The following NRXN3 variants were observed in gnomAD, a reference collection of about 807,000 sequenced individuals.
NRXN3 encodes the protein neurexin III.
Under a neutral mutation model 137.6 loss-of-function variants are expected in NRXN3, and 32 were observed. The ratio of observed to expected loss-of-function variants is 0.23; its 90% CI spans 0.18 to 0.31. The LOEUF is 0.31. Ranked by LOEUF, NRXN3 falls within the 10% of genes least tolerant of loss-of-function variation. NRXN3 has a pLI of 1.00. For synonymous variants in NRXN3, 798 were observed against 784.5 expected (o/e 1.02, Z -0.29); for missense variants, 1,574 against 2,062.5 (o/e 0.76, Z 4.59).
chr14:78,191,328 AG>A (rs1438092558), intron 1 of NRXN3, among the ~76,000 whole-genome samples: 5 of 152,232 alleles, frequency 3.3e-5, no homozygotes, highest in Admixed American at 6.5e-5. Flanking sequence ...ATGGTGGCTG[AG>A]AGAGGTTTTA....
chr14:78,712,975 G>T (rs1190504166), intron 7 of NRXN3, among the ~76,000 whole-genome samples: 6 of 152,214 alleles, frequency 3.9e-5, no homozygotes, highest in Non-Finnish European at 8.8e-5. Flanking sequence ...AGAGGTGAAG[G>T]CTGACTGATG....
intron 9 of NRXN3, among the ~76,000 whole-genome samples, chr14:78,806,879 T>A (rs905251947): frequency 6.6e-6 from 1 of 152,242 alleles, no homozygotes; most frequent in Admixed American, 6.5e-5. Flanking sequence ...CGATTAATGA[T>A]AATCTCATGA....
At chr14:79,722,188 A>G (rs571943060) in intron 19 of NRXN3, among the ~76,000 whole-genome samples, 1 of 152,078 alleles carries the variant, frequency 6.6e-6, no homozygotes, top group African/African-American at 2.4e-5. Flanking sequence ...CCTCCTCTCC[A>G]TCATCACTGC....
intron 16 of NRXN3, among the ~76,000 whole-genome samples, chr14:79,491,715 G>T (rs2096719232): frequency 1.3e-5 from 2 of 152,088 alleles, no homozygotes; most frequent in South Asian, 4.1e-4. Context: ...ATCTCCAAAT[G>T]CCAATGAGCA....
intron 16 of NRXN3, among the ~76,000 whole-genome samples, chr14:79,507,849 T>C (rs2096892883): frequency 2.0e-5 from 3 of 152,270 alleles, no homozygotes; most frequent in Middle Eastern, 6.8e-3. Context: ...GACAGAAGTA[T>C]ATAGTGTGGA....
rs146936686 is a variant in NRXN3 at position 78,939,914 on chromosome 14, T to C, written c.2276-17328T>C. On this transcript the variant is annotated intron_variant, in intron 10 of 20. Coordinates refer to ENST00000335750, the MANE Select transcript of NRXN3 (RefSeq NM_001330195.2). ...TTGCTCCCTACGCTTTAATCCATTC[T>C]ATAAGTTCCATCCAACTTTTTGTTG... is the stretch of plus-strand genomic sequence containing the variant. 4.0e-3 allele frequency among the ~76,000 whole-genome samples: 607 copies of C among 152,372 alleles called. 2 individuals are homozygous for C. Among genetic ancestry groups the C allele is most frequent in the Admixed American group, 6.1e-3 (94 of 15,308 alleles).
intron 15 of NRXN3, among the ~76,000 whole-genome samples, chr14:79,465,628 C>G: frequency 6.6e-6 from 1 of 152,200 alleles, no homozygotes; most frequent in Non-Finnish European, 1.5e-5. Context: ...CTCACTTCTT[C>G]TTTGGTCAAC....
chr14:78,314,924 T>C (rs1382352249), intron 4 of NRXN3, among the ~76,000 whole-genome samples: 3 of 119,864 alleles, frequency 2.5e-5, no homozygotes, highest in African/African-American at 1.2e-4. Context: ...TCTTTCTTTC[T>C]TTCTTTCTTT....
chr14:78,788,054 G>A (rs1181152119), intron 8 of NRXN3, among the ~76,000 whole-genome samples: 1 of 152,140 alleles, frequency 6.6e-6, no homozygotes, highest in Non-Finnish European at 1.5e-5. Flanking sequence ...TTCTTATGCA[G>A]TTTTTAAATA....
intron 4 of NRXN3, among the ~76,000 whole-genome samples, chr14:78,498,121 A>G (rs1012541705): frequency 6.6e-6 from 1 of 152,178 alleles, no homozygotes; most frequent in South Asian, 2.1e-4. Flanking sequence ...TGCTTGGCAC[A>G]TGGACAATGC....
Position 79,661,275 on chromosome 14 carries a change from G to A in NRXN3, c.3445-2503G>A, listed in dbSNP as rs189612901. 2.0e-5 allele frequency among the ~76,000 whole-genome samples: 3 copies of A among 152,194 alleles called. No homozygotes were observed. In the East Asian group the frequency reaches 5.8e-4, roughly 29 times the overall value. On this transcript the variant is annotated intron_variant, in intron 16 of 20. Transcript: ENST00000335750. The stretch of plus-strand genomic sequence containing the variant: ...CTCTTTTCCCAGAGAACAGAACATG[G>A]GGATTGCAGACATCATTTTATATTG...
chr14:79,019,210 T>C (rs957448997), intron 15 of NRXN3, among the ~76,000 whole-genome samples: 53 of 152,274 alleles, frequency 3.5e-4, no homozygotes, highest in African/African-American at 1.2e-3. Flanking sequence ...ACTCCTGTGT[T>C]GGGATGACTG....
At chr14:78,450,816 G>T (rs2094533371) in intron 4 of NRXN3, among the ~76,000 whole-genome samples, 1 of 152,134 alleles carries the variant, frequency 6.6e-6, no homozygotes, top group Admixed American at 6.6e-5. Context: ...TTACATGGTG[G>T]CGCGAGAGGT....
chr14:78,801,059 C>T (rs530479976), intron 8 of NRXN3, among the ~76,000 whole-genome samples: 6 of 152,328 alleles, frequency 3.9e-5, no homozygotes, highest in East Asian at 1.9e-4. Flanking sequence ...CAGTGGCTCA[C>T]GCCTGTAATC....
At chr14:79,841,724 T>C (rs944715637) in intron 20 of NRXN3, among the ~76,000 whole-genome samples, 1 of 152,226 alleles carries the variant, frequency 6.6e-6, no homozygotes, top group Non-Finnish European at 1.5e-5. Context: ...ATTTTATCTT[T>C]AGCCTACACA....
chr14:79,170,756 A>G (rs998289228), intron 15 of NRXN3, among the ~76,000 whole-genome samples: 2 of 152,028 alleles, frequency 1.3e-5, no homozygotes, highest in African/African-American at 4.8e-5. Context: ...CAAATCTCTT[A>G]AAAGGACCTG....
chr14:78,833,472 T>C (rs542478041), intron 10 of NRXN3, among the ~76,000 whole-genome samples: 1 of 152,304 alleles, frequency 6.6e-6, no homozygotes, highest in African/African-American at 2.4e-5. Flanking sequence ...GAAGACTGAA[T>C]GCTTGGTTTT....
intron 20 of NRXN3, among the ~76,000 whole-genome samples, chr14:79,811,315 A>T (rs2099231828): frequency 1.3e-5 from 2 of 152,186 alleles, no homozygotes; most frequent in African/African-American, 2.4e-5. Context: ...ATCGATAGAA[A>T]ATTACTTAAT....
At chr14:78,208,896 A>G (rs1284238541) in intron 1 of NRXN3, among the ~76,000 whole-genome samples, 1 of 152,212 alleles carries the variant, frequency 6.6e-6, no homozygotes, top group Non-Finnish European at 1.5e-5. Context: ...ATGTGTCCCC[A>G]TGACGGTTGG....
Sources: allele counts gnomAD v4.1 joint callset (sites outside exome capture counted in the v4.1 genomes callset), GRCh38; gene constraint gnomAD v4.1.1; transcripts MANE v1.5; gene names NCBI Gene and HGNC (gene_info 2026-07-23, HGNC 2026-07-21).